ADGB: variants seen among roughly 807,000 people sequenced by gnomAD.
The protein encoded by ADGB is androglobin, also known as calpain-7-like protein.
ADGB carries 172 observed loss-of-function variants against 210.5 expected under a neutral mutation model. The ratio of observed to expected loss-of-function variants is 0.82; its 90% CI spans 0.72 to 0.93. ADGB has a LOEUF of 0.93. ADGB is among the 40% of genes least tolerant of loss of function. The pLI is 0.00. For synonymous variants in ADGB, 658 were observed against 662.7 expected (o/e 0.99, Z 0.11); for missense variants, 2,025 against 1,964.8 (o/e 1.03, Z -0.58).
intron 1 of ADGB, among the ~76,000 whole-genome samples, chr6:146,627,893 G>C (rs1010361040): frequency 6.6e-6 from 1 of 152,056 alleles, no homozygotes; most frequent in African/African-American, 2.4e-5. Context: ...ATATGTTGTG[G>C]TCGTTAAAGG....
chr6:146,770,563 A>G (rs777671975), intron 29 of ADGB: 1 of 469,678 alleles, frequency 2.1e-6, no homozygotes, highest in Non-Finnish European at 4.4e-6. Context: ...GATGTCAATA[A>G]GTGTTTAATG....
At chr6:146,758,825 G>A (rs1254687278) in intron 27 of ADGB, among the ~76,000 whole-genome samples, 2 of 151,782 alleles carry the variant, frequency 1.3e-5, no homozygotes, top group African/African-American at 4.8e-5. Context: ...TTGCATGCAA[G>A]GAAAGGCTAT....
intron 30 of ADGB, among the ~76,000 whole-genome samples, chr6:146,782,624 C>A (rs918252122): frequency 6.6e-6 from 1 of 152,032 alleles, no homozygotes. Context: ...CGTGATGAGG[C>A]GAAAACTCAA....
chr6:146,635,955 G>A (rs866888913), intron 2 of ADGB, among the ~76,000 whole-genome samples: 1 of 152,040 alleles, frequency 6.6e-6, no homozygotes, highest in African/African-American at 2.4e-5. Flanking sequence ...TTAACTGTGA[G>A]ATGAAAACTG....
chr6:146,731,674 T>C (rs180958236), intron 20 of ADGB, among the ~76,000 whole-genome samples: 1 of 152,330 alleles, frequency 6.6e-6, no homozygotes, highest in Admixed American at 6.5e-5. Flanking sequence ...ATAATCAATG[T>C]GAATTCTCCT....
intron 1 of ADGB, among the ~76,000 whole-genome samples, chr6:146,608,133 G>T (rs888837162): frequency 2.0e-5 from 3 of 151,986 alleles, no homozygotes; most frequent in Admixed American, 6.5e-5. Flanking sequence ...TTGGTAGGTT[G>T]TATGTTTCCA....
chr6:146,658,816 C>T (rs568880639), intron 5 of ADGB, among the ~76,000 whole-genome samples: 7 of 152,260 alleles, frequency 4.6e-5, no homozygotes, highest in East Asian at 3.9e-4. Context: ...CTTTAGGGAA[C>T]GATGTGGTAG....
intron 5 of ADGB, among the ~76,000 whole-genome samples, chr6:146,663,159 T>A (rs1224021532): frequency 7.1e-6 from 1 of 140,592 alleles, no homozygotes; most frequent in Non-Finnish European, 1.5e-5. Flanking sequence ...ATATATAATA[T>A]ATATTTATTA....
At chr6:146,814,990 T>TA (rs1431240162) in intron 35 of ADGB, 42 bp from the exon 36 acceptor site, 4 of 1,507,406 alleles carry the variant, frequency 2.7e-6, no homozygotes, top group Non-Finnish European at 8.8e-7. Context: ...CATAAGCCTT[T>TA]ACCAGTGGAA....
At chr6:146,658,280 A>G (rs1775811248) in intron 5 of ADGB, among the ~76,000 whole-genome samples, 1 of 152,098 alleles carries the variant, frequency 6.6e-6, no homozygotes, top group African/African-American at 2.4e-5. Context: ...ATAACTTTCT[A>G]AGTTACTTTA....
rs1775802154 is a variant in ADGB, at chr6:146,657,452, G to C, written c.612+472G>C. Among the ~76,000 whole-genome samples, 3 of 152,154 alleles carry C rather than the reference G, an allele frequency of 2.0e-5. No homozygotes were observed. The South Asian group carries it at 6.2e-4, about 32-fold the overall frequency. On this transcript the variant is annotated intron_variant, in intron 5 of 35. Transcript: ENST00000397944. ...AGGATATCAATTGTGTAGCTACAGAGAGAAACTGTCCTGCATATGTAATTT... is the reference window on the plus strand; with the variant it reads ...AGGATATCAATTGTGTAGCTACAGACAGAAACTGTCCTGCATATGTAATTT...
chr6:146,602,558 A>G (rs561645754), intron 1 of ADGB, among the ~76,000 whole-genome samples: 70 of 152,306 alleles, frequency 4.6e-4, no homozygotes, highest in Admixed American at 2.3e-3. Context: ...CATAGATTGG[A>G]TAGGTTAAAC....
chr6:146,692,764 G>A, intron 11 of ADGB, 61 bp from the exon 12 acceptor site: 1 of 861,504 alleles, frequency 1.2e-6, no homozygotes, highest in Non-Finnish European at 1.8e-6. Flanking sequence ...GTTAAATTCT[G>A]TATGCAATCC....
In ADGB at chr6:146,764,243, C is replaced by T. The variant is rs1777542796; in HGVS notation, c.3750+143C>T. The T allele has an allele frequency of 7.5e-6, 5 of 669,686 alleles. No homozygotes were observed. The East Asian group carries it at 1.4e-4, about 18-fold the overall frequency. The allele number at this position is 669,686 out of a possible 1,614,324, so 41.5% of individuals were successfully genotyped here. The stretch of plus-strand genomic sequence containing the variant: ...AATTGGAGAATAAGAGAGTCTTGAA[C>T]AGTTTCTCTGTGCCAAGATCTTTAA... On this transcript the variant is annotated intron_variant, in intron 28 of 35. Transcript: ENST00000397944.
chr6:146,788,595 C>G lies in ADGB; in HGVS notation c.4522C>G (p.Arg1508Gly). Reference sequence around the variant, plus strand: ...GAAAGAAGAGCGCGAGCAGAGCACACGGAAGGAAAACATTCGTAAGTATTG... The same window carrying G: ...GAAAGAAGAGCGCGAGCAGAGCACAGGGAAGGAAAACATTCGTAAGTATTG... Reference protein sequence around the residue: ...PGKEEREQSTRKENIQTGPRT... With the variant: ...PGKEEREQSTGKENIQTGPRT... Residue 1508 changes from arginine to glycine, a missense_variant, in exon 33 of 36, where the codon CGG (arginine) becomes GGG (glycine). Coordinates refer to ENST00000397944, the MANE Select transcript of ADGB (RefSeq NM_024694.4). The G allele has an allele frequency of 6.4e-7, 1 of 1,551,152 alleles. No individual in the cohort carries two copies. Among genetic ancestry groups the G allele is most frequent in the Non-Finnish European group, 8.7e-7 (1 of 1,146,782 alleles).
intron 14 of ADGB, 25 bp downstream of exon 14, chr6:146,715,440 T>A (rs1776718343): frequency 2.7e-6 from 4 of 1,470,966 alleles, no homozygotes; most frequent in Middle Eastern, 1.7e-4. Flanking sequence ...TTCCTGTGAC[T>A]TTTTTCAATG....
Position 146,811,463 on chromosome 6 carries a change from T to C in ADGB, c.4819-3569T>C, listed in dbSNP as rs1469808619. On this transcript the variant is annotated intron_variant, in intron 35 of 35. Coordinates refer to ENST00000397944, the MANE Select transcript of ADGB (RefSeq NM_024694.4). ...TGTTTATATATATATATATTCAGGA[T>C]ATTCAGGTAGTGTGTGTAAATATAT... Among the ~76,000 whole-genome samples, 3 of 151,962 alleles carry C rather than the reference T, an allele frequency of 2.0e-5. No homozygotes were observed. In the East Asian group the frequency reaches 5.8e-4, roughly 29 times the overall value.
chr6:146,692,899 A>G lies in ADGB; in HGVS notation c.1561A>G (p.Thr521Ala), dbSNP rs1056532964. ...TTTGAATTATAGAATGACTCCATTT[A>G]CAATTCCAACAGAAATGTAAGTATT... ...PFLNYRMTPF[T>A]IPTEMHFVRS... is the part of the protein sequence containing the mutation. The change falls in exon 12 of 36, where the codon ACA becomes GCA. Residue 521 changes from threonine (T) to alanine (A), a missense_variant. By Grantham distance (58) the Thr-to-Ala change is moderately conservative (BLOSUM62 0). Transcript: ENST00000397944. The G allele has an allele frequency of 3.3e-6, 5 of 1,513,174 alleles. No homozygotes were observed. The highest frequency in any genetic ancestry group is 4.5e-6 in the Non-Finnish European group (5 of 1,116,072). 93.7% of individuals were successfully genotyped at this position (1,513,174 alleles called of 1,614,324 possible).
intron 2 of ADGB, among the ~76,000 whole-genome samples, chr6:146,641,235 C>G (rs1775508762): frequency 6.6e-6 from 1 of 151,560 alleles, no homozygotes; most frequent in Non-Finnish European, 1.5e-5. Context: ...ACAAGCAGAA[C>G]TACAAAACTG....
Sources: allele counts gnomAD v4.1 joint callset (sites outside exome capture counted in the v4.1 genomes callset), GRCh38; gene constraint gnomAD v4.1.1; transcripts MANE v1.5; gene names NCBI Gene and HGNC (gene_info 2026-07-23, HGNC 2026-07-21).